CHSY3: variants seen among roughly 807,000 people sequenced by gnomAD.
CHSY3 encodes the protein N-acetylgalactosaminyl-proteoglycan 3-beta-glucuronosyltransferase 3.
Under a neutral mutation model 67.2 loss-of-function variants are expected in CHSY3, and 35 were observed. The ratio of observed to expected loss-of-function variants is 0.52; its 90% confidence interval spans 0.40 to 0.69. CHSY3 has a LOEUF of 0.69. CHSY3 is among the 30% of genes least tolerant of loss of function. The probability of loss-of-function intolerance (pLI) is 0.00; values close to 1 mark genes in which losing one functional copy is unlikely to be tolerated. For missense variants in CHSY3, 1,069 were observed against 1,138.5 expected (o/e 0.94, Z 0.88); for synonymous variants, 474 against 434.7 (o/e 1.09, Z -1.12).
intron 2 of CHSY3, among the ~76,000 whole-genome samples, chr5:129,969,616 C>T (rs1762579626): frequency 6.6e-6 from 1 of 151,750 alleles, no homozygotes; most frequent in Non-Finnish European, 1.5e-5. Context: ...ACACTCTTTA[C>T]AAAGGATATG....
At chr5:130,021,698 C>T (rs1327131426) in intron 2 of CHSY3, among the ~76,000 whole-genome samples, 1 of 152,020 alleles carries the variant, frequency 6.6e-6, no homozygotes, top group Non-Finnish European at 1.5e-5. Flanking sequence ...TTGTCTTACC[C>T]AGTGCTATTT....
At chr5:130,168,806 A>G (rs902318525) in intron 2 of CHSY3, among the ~76,000 whole-genome samples, 2 of 152,118 alleles carry the variant, frequency 1.3e-5, no homozygotes, top group Non-Finnish European at 2.9e-5. Flanking sequence ...AATATAGAAT[A>G]ATTAGTACAA....
At chr5:130,033,203 G>A (rs867160851) in intron 2 of CHSY3, among the ~76,000 whole-genome samples, 7 of 152,138 alleles carry the variant, frequency 4.6e-5, no homozygotes, top group Non-Finnish European at 8.8e-5. Flanking sequence ...AGTATTTTGT[G>A]TACTTTTAGT....
intron 2 of CHSY3, among the ~76,000 whole-genome samples, chr5:130,056,642 A>T (rs1374396816): frequency 6.6e-6 from 1 of 152,170 alleles, no homozygotes; most frequent in Non-Finnish European, 1.5e-5. Flanking sequence ...CTTAAAGTAA[A>T]TGTCATTTTT....
At chr5:130,116,660 C>A (rs547190802) in intron 2 of CHSY3, among the ~76,000 whole-genome samples, 25 of 152,200 alleles carry the variant, frequency 1.6e-4, no homozygotes, top group African/African-American at 6.0e-4. Flanking sequence ...ATGGAGAGTT[C>A]ACTACTTGTA....
At position 130,071,000 on chromosome 5, in the gene CHSY3, A is replaced by G. The variant is rs149429511; in HGVS notation, c.1087-113229A>G. 3.1e-3 allele frequency among the ~76,000 whole-genome samples: 478 copies of G among 152,194 alleles called. 3 individuals carry two copies. Among genetic ancestry groups the G allele is most frequent in the African/African-American group, 0.01 (421 of 41,554 alleles). On this transcript the variant is annotated intron_variant, in intron 2 of 2. Coordinates refer to ENST00000305031, the MANE Select transcript of CHSY3 (RefSeq NM_175856.5). ...TATAGGTTCCTGTGTTCATTTATCTATATAAGTCTATGCCATTTAGATAGA... is the reference window on the plus strand; with the variant it reads ...TATAGGTTCCTGTGTTCATTTATCTGTATAAGTCTATGCCATTTAGATAGA...
At chr5:130,091,142 G>GCA (rs751457425) in intron 2 of CHSY3, among the ~76,000 whole-genome samples, 1,346 of 94,476 alleles carry the variant, frequency 0.014, 17 homozygotes, top group African/African-American at 0.058. Context: ...ACACGCACAC[G>GCA]CGCGCACACA....
intron 2 of CHSY3, among the ~76,000 whole-genome samples, chr5:130,128,411 A>C (rs993317979): frequency 2.0e-5 from 3 of 152,064 alleles, no homozygotes; most frequent in Admixed American, 6.6e-5. Flanking sequence ...GCTAAGTGAA[A>C]TAAGCCAGAC....
At chr5:129,907,155 G>C (rs1018042408) in intron 1 of CHSY3, among the ~76,000 whole-genome samples, 1 of 152,190 alleles carries the variant, frequency 6.6e-6, no homozygotes, top group African/African-American at 2.4e-5. Flanking sequence ...TTTATAAAAT[G>C]CATTAACAGC....
chr5:129,905,736 C>G (rs1337437975), intron 1 of CHSY3, 105 bp downstream of exon 1: 4 of 1,526,586 alleles, frequency 2.6e-6, no homozygotes, highest in East Asian at 2.3e-5. Context: ...TCTGCCAGCA[C>G]GTGCTTCGGG....
At chr5:130,007,567 A>G (rs1763909926) in intron 2 of CHSY3, among the ~76,000 whole-genome samples, 1 of 152,188 alleles carries the variant, frequency 6.6e-6, no homozygotes, top group Non-Finnish European at 1.5e-5. Flanking sequence ...CACATTTGCC[A>G]CAGACCTCCA....
upstream of CHSY3, among the ~76,000 whole-genome samples, chr5:129,904,229 C>G (rs895229084): frequency 6.7e-6 from 1 of 149,652 alleles, no homozygotes; most frequent in Admixed American, 6.7e-5. Context: ...GGAGGCGGCC[C>G]GACAGGGATC....
chr5:130,128,929 A>AG (rs1381435219), intron 2 of CHSY3, among the ~76,000 whole-genome samples: 2 of 150,328 alleles, frequency 1.3e-5, no homozygotes, highest in East Asian at 4.2e-4. Flanking sequence ...CAAAAATGTG[A>AG]GGTTTTTTTT....
At chr5:129,996,795 T>C (rs1222622647) in intron 2 of CHSY3, among the ~76,000 whole-genome samples, 1 of 152,110 alleles carries the variant, frequency 6.6e-6, no homozygotes, top group African/African-American at 2.4e-5. Flanking sequence ...TTTGCATTAT[T>C]TTTGTTTCTT....
At chr5:130,113,148 G>A (rs963025761) in intron 2 of CHSY3, among the ~76,000 whole-genome samples, 2 of 152,030 alleles carry the variant, frequency 1.3e-5, no homozygotes, top group African/African-American at 4.8e-5. Context: ...TAATGTATCT[G>A]AGACAAATAA....
intron 2 of CHSY3, among the ~76,000 whole-genome samples, chr5:130,081,019 G>T (rs555726091): frequency 6.6e-6 from 1 of 152,054 alleles, no homozygotes; most frequent in African/African-American, 2.4e-5. Context: ...TAGGGAGGTC[G>T]TAATTTTTTT....
chr5:130,005,572 G>A lies in CHSY3; in HGVS notation c.1086+97212G>A, dbSNP rs73241798. 9.7e-3 allele frequency among the ~76,000 whole-genome samples: 1,473 copies of A among 152,202 alleles called. 25 individuals carry two copies. The highest frequency in any genetic ancestry group is 0.034 in the African/African-American group (1,400 of 41,522). On this transcript the variant is annotated intron_variant, in intron 2 of 2. Transcript: ENST00000305031. ...TATTTTAATAGTCTGAAGATATTGT[G>A]ATGTTTTAAAAACTCATGATATTTA...
In CHSY3 at chr5:129,916,739, G is replaced by C. The variant is rs553015652; in HGVS notation, c.1086+8379G>C. Among the ~76,000 whole-genome samples the C allele has an allele frequency of 3.9e-5, 6 of 152,306 alleles. No individual in the cohort carries two copies. In the East Asian group the frequency reaches 1.2e-3, roughly 29 times the overall value. ...TTTGCTCAAATGTATTTATTGAGCA[G>C]TTTTTATCAGCAGTAAACAACACAC... On this transcript the variant is annotated intron_variant, in intron 2 of 2. Transcript: ENST00000305031.
chr5:130,102,221 G>A (rs1355118470), intron 2 of CHSY3, among the ~76,000 whole-genome samples: 2 of 152,054 alleles, frequency 1.3e-5, no homozygotes, highest in African/African-American at 4.8e-5. Flanking sequence ...GTAAGACAGT[G>A]CTATAGCTAC....
Sources: gnomAD v4.1 joint callset for allele counts (sites outside exome capture counted in the v4.1 genomes callset) on GRCh38, gnomAD v4.1.1 for gene constraint, MANE v1.5 for transcripts, NCBI Gene and HGNC (gene_info 2026-07-23, HGNC 2026-07-21) for gene names.